Variants in CACNA1C observed in about 807,000 individuals in gnomAD.
The protein encoded by CACNA1C is voltage-dependent L-type calcium channel subunit alpha-1C.
Under a neutral mutation model 229.0 loss-of-function variants are expected in CACNA1C, and 30 were observed. The observed-to-expected ratio is 0.13, with a 90% CI of 0.10 to 0.18. CACNA1C has a LOEUF of 0.18. Ranked by LOEUF, CACNA1C falls within the 10% of genes least tolerant of loss-of-function variation. The pLI is 1.00. For synonymous variants in CACNA1C, 1,114 were observed against 1,132.5 expected, an observed-to-expected ratio of 0.98 and a Z score of 0.33; for missense variants, 1,658 against 2,845.0, an observed-to-expected ratio of 0.58 and a Z score of 9.49.
At chr12:2,421,184 A>G (rs995592050) in intron 3 of CACNA1C, among the ~76,000 whole-genome samples, 3 of 152,224 alleles carry the variant, frequency 2.0e-5, no homozygotes, top group African/African-American at 4.8e-5. Flanking sequence ...TTAGAAATAT[A>G]TAAAACATGT....
chr12:2,457,535 C>T, intron 4 of CACNA1C, 32 bp from the exon 5 acceptor site: 1 of 1,596,246 alleles, frequency 6.3e-7, no homozygotes, highest in Non-Finnish European at 8.5e-7. Flanking sequence ...AAACCCAGTC[C>T]TGACAGTCCT....
chr12:2,361,199 T>C (rs1468025639), intron 3 of CACNA1C, among the ~76,000 whole-genome samples: 1 of 152,096 alleles, frequency 6.6e-6, no homozygotes, highest in Non-Finnish European at 1.5e-5. Flanking sequence ...ATATCAATTT[T>C]AATTTTGCTT....
intron 13 of CACNA1C, among the ~76,000 whole-genome samples, chr12:2,578,484 G>A (rs2059363973): frequency 6.6e-6 from 1 of 152,170 alleles, no homozygotes; most frequent in South Asian, 2.1e-4. Flanking sequence ...GGCTTCGTGG[G>A]CCTCACCTCA....
At chr12:2,276,655 T>G (rs1159271057) in intron 3 of CACNA1C, among the ~76,000 whole-genome samples, 1 of 152,184 alleles carries the variant, frequency 6.6e-6, no homozygotes, top group Non-Finnish European at 1.5e-5. Flanking sequence ...TACACCTTAA[T>G]TAGCATGGGT....
In CACNA1C at chr12:2,354,385, C is replaced by A. The variant is rs976847060; in HGVS notation, c.478-94591C>A. Among the ~76,000 whole-genome samples the A allele has an allele frequency of 5.3e-5, 8 of 152,104 alleles. No homozygotes were observed. The highest frequency in any genetic ancestry group is 2.1e-4 in the South Asian group (1 of 4,828). On this transcript the variant is annotated intron_variant, in intron 3 of 46. Coordinates refer to ENST00000399655, the MANE Select transcript of CACNA1C (RefSeq NM_000719.7). The surrounding 1 kb of genome is among the most constrained non-coding windows in gnomAD (Gnocchi z 4.6). The stretch of plus-strand genomic sequence containing the variant: ...GCCACCTGCTTGGAGTGGTGATAAG[C>A]CAAATCTTTCTTTAGAGGAGCGAAA...
intron 1 of CACNA1C, among the ~76,000 whole-genome samples, chr12:2,112,047 C>T (rs941772328): frequency 1.1e-4 from 16 of 152,140 alleles, no homozygotes; most frequent in Non-Finnish European, 2.1e-4. Flanking sequence ...CACATGTGTG[C>T]GTGCATGTGG....
intron 3 of CACNA1C, among the ~76,000 whole-genome samples, chr12:2,335,062 C>A (rs907923324): frequency 1.3e-5 from 2 of 152,212 alleles, no homozygotes; most frequent in African/African-American, 4.8e-5. Flanking sequence ...CTCTCATGAG[C>A]CTCAACCCTA....
chr12:2,227,475 A>C (rs2063364468), intron 3 of CACNA1C, among the ~76,000 whole-genome samples: 1 of 152,220 alleles, frequency 6.6e-6, no homozygotes, highest in Non-Finnish European at 1.5e-5. Context: ...TCCTGTTAGA[A>C]GGATTAAATG....
intron 1 of CACNA1C, among the ~76,000 whole-genome samples, chr12:2,058,233 T>C (rs890537884): frequency 6.6e-6 from 1 of 152,188 alleles, no homozygotes; most frequent in Non-Finnish European, 1.5e-5. Context: ...TTTACAGTAA[T>C]TCCTCCCGCC....
chr12:2,580,950 G>A (rs145799371), intron 13 of CACNA1C, among the ~76,000 whole-genome samples: 1 of 152,186 alleles, frequency 6.6e-6, no homozygotes, highest in Non-Finnish European at 1.5e-5. Flanking sequence ...ATCTCAAGAG[G>A]AAAGGCCCTT....
intron 3 of CACNA1C, among the ~76,000 whole-genome samples, chr12:2,312,508 G>A (rs1360763619): frequency 6.6e-6 from 1 of 152,096 alleles, no homozygotes; most frequent in Non-Finnish European, 1.5e-5. Context: ...AGCATTATAC[G>A]ACTTTGAAAA....
chr12:2,536,172 C>T (rs2099854644), intron 9 of CACNA1C, among the ~76,000 whole-genome samples: 1 of 152,236 alleles, frequency 6.6e-6, no homozygotes, highest in Non-Finnish European at 1.5e-5. Flanking sequence ...ATCTGACCTG[C>T]TCTTCAGCAG....
At chr12:2,078,762 A>C (rs1426848422) in intron 1 of CACNA1C, among the ~76,000 whole-genome samples, 1 of 152,226 alleles carries the variant, frequency 6.6e-6, no homozygotes, top group Non-Finnish European at 1.5e-5. Flanking sequence ...CATTTGACCC[A>C]GCCATCCCAT....
chr12:2,575,962 G>A lies in CACNA1C; in HGVS notation c.1896-5628G>A, dbSNP rs1040776387. Among the ~76,000 whole-genome samples the A allele has an allele frequency of 6.6e-6, 1 of 152,168 alleles. No individual in the cohort carries two copies. Among genetic ancestry groups the A allele is most frequent in the Non-Finnish European group, 1.5e-5 (1 of 68,040 alleles). ...AGCCCCAAACCCAGAGACAGACCTA[G>A]AGACGGGGAAACAAATGGAGATAAA... On this transcript the variant is annotated intron_variant, in intron 13 of 46. Coordinates refer to ENST00000399655, the MANE Select transcript of CACNA1C (RefSeq NM_000719.7). The surrounding 1 kb of genome is among the most constrained non-coding windows in gnomAD (Gnocchi z 4.0).
At chr12:2,523,008 G>C (rs2099812870) in intron 9 of CACNA1C, among the ~76,000 whole-genome samples, 1 of 152,096 alleles carries the variant, frequency 6.6e-6, no homozygotes. Flanking sequence ...TCCAACCAGG[G>C]GAACCAGAAG....
Position 2,566,387 on chromosome 12 carries a change from C to A in CACNA1C, c.1509-35C>A, listed in dbSNP as rs1234987636. On this transcript the variant is annotated intron_variant, in intron 11 of 46. Coordinates refer to ENST00000399655, the MANE Select transcript of CACNA1C (RefSeq NM_000719.7). The surrounding 1 kb of genome is among the most constrained non-coding windows in gnomAD (Gnocchi z 4.0). ...GGTTGGAGGAAACCTGAATTCACAGCCAACCCCACCCTTCTCTCCCTGTCC... is the reference window on the plus strand; with the variant it reads ...GGTTGGAGGAAACCTGAATTCACAGACAACCCCACCCTTCTCTCCCTGTCC... 7.1e-6 allele frequency: 11 copies of A among 1,538,952 alleles called. No individual in the cohort carries two copies. Among genetic ancestry groups the A allele is most frequent in the South Asian group, 1.3e-5 (1 of 79,556 alleles).
chr12:2,414,724 C>A (rs2098846026), intron 3 of CACNA1C, among the ~76,000 whole-genome samples: 1 of 152,098 alleles, frequency 6.6e-6, no homozygotes, highest in African/African-American at 2.4e-5. Context: ...AGCAAAGAAA[C>A]CTTTGGACTT....
intron 34 of CACNA1C, 63 bp from the exon 35 acceptor site, chr12:2,664,762 C>CAG: frequency 2.2e-6 from 3 of 1,392,048 alleles, no homozygotes; most frequent in Non-Finnish European, 2.9e-6. Context: ...GGGAGGGATG[C>CAG]AGAGGGCCCT....
At chr12:2,571,945 A>G (rs1474330041) in intron 13 of CACNA1C, among the ~76,000 whole-genome samples, 1 of 152,202 alleles carries the variant, frequency 6.6e-6, no homozygotes, top group Non-Finnish European at 1.5e-5. Flanking sequence ...TGGTCCTGCC[A>G]TCAGACAAGT....
Sources: allele counts gnomAD v4.1 joint callset (sites outside exome capture counted in the v4.1 genomes callset), GRCh38; gene constraint gnomAD v4.1.1; non-coding constraint Gnocchi (gnomAD v3.1); transcripts MANE v1.5; gene names NCBI Gene and HGNC (gene_info 2026-07-23, HGNC 2026-07-21).